CDC42SE2: variants seen among roughly 807,000 people sequenced by gnomAD.
CDC42SE2 encodes the protein CDC42 small effector 2, also known as CDC42 small effector protein 2.
Under a neutral mutation model 11.5 loss-of-function variants are expected in CDC42SE2, and 3 were observed. The ratio of observed to expected loss-of-function variants is 0.26; its 90% CI spans 0.12 to 0.67. CDC42SE2 has a LOEUF of 0.67. Ranked by LOEUF, CDC42SE2 falls within the 30% of genes least tolerant of loss-of-function variation. CDC42SE2 has a pLI of 0.80. For synonymous variants in CDC42SE2, 33 were observed against 34.8 expected (o/e 0.95, Z 0.18); for missense variants, 82 against 106.8 (o/e 0.77, Z 1.02).
At chr5:131,375,912 T>C (rs1291580929) in intron 3 of CDC42SE2, among the ~76,000 whole-genome samples, 4 of 152,128 alleles carry the variant, frequency 2.6e-5, no homozygotes, top group African/African-American at 9.7e-5. Context: ...TCAGCTTCTT[T>C]AACATGAATA....
chr5:131,345,350 G>A (rs1407831919), intron 2 of CDC42SE2, among the ~76,000 whole-genome samples: 1 of 152,072 alleles, frequency 6.6e-6, no homozygotes, highest in Non-Finnish European at 1.5e-5. Flanking sequence ...AGAACTACGT[G>A]ACTCATGCAC....
intron 3 of CDC42SE2, among the ~76,000 whole-genome samples, chr5:131,371,863 C>T (rs959663278): frequency 6.6e-6 from 1 of 152,226 alleles, no homozygotes; most frequent in Non-Finnish European, 1.5e-5. Flanking sequence ...TTCAGTATTT[C>T]AGAAAGCGTT....
chr5:131,259,105 C>T (rs527937052), upstream of CDC42SE2, among the ~76,000 whole-genome samples: 1 of 152,074 alleles, frequency 6.6e-6, no homozygotes, highest in South Asian at 2.1e-4. Context: ...TCCACAATTC[C>T]TGATTTTTCT....
At chr5:131,357,577 T>C (rs1316723400) in intron 2 of CDC42SE2, among the ~76,000 whole-genome samples, 1 of 152,226 alleles carries the variant, frequency 6.6e-6, no homozygotes, top group East Asian at 1.9e-4. Context: ...AGCTTATAAA[T>C]GTGTGAGGTC....
rs1171213231 is a variant in CDC42SE2 at position 131,323,547 on chromosome 5, G to GTTTT, written c.-286+7426_-286+7429dup. Among the ~76,000 whole-genome samples, 32 of 82,584 alleles carry GTTTT rather than the reference G, an allele frequency of 3.9e-4. 2 individuals carry two copies. Among genetic ancestry groups the GTTTT allele is most frequent in the African/African-American group, 1.4e-3 (28 of 19,550 alleles). The allele number at this position is 82,584 out of a possible 152,430, so 54.2% of individuals were successfully genotyped here. A position where few individuals can be genotyped will look rare whatever the true frequency, so the allele number is the denominator to read the frequency against. On this transcript the variant is annotated intron_variant, in intron 2 of 4. Transcript: ENST00000505065. The stretch of plus-strand genomic sequence containing the variant: ...AAGGGATTGTACCTCTCTCTCTCTG[G>GTTTT]TTTTTTTTTTTTTTTTTTTTTTTTT...
At chr5:131,351,231 T>C (rs940935448) in intron 2 of CDC42SE2, among the ~76,000 whole-genome samples, 1 of 152,040 alleles carries the variant, frequency 6.6e-6, no homozygotes, top group African/African-American at 2.4e-5. Context: ...ATTATAGGCG[T>C]GAACCACCAA....
chr5:131,374,133 C>T (rs1448662352), intron 3 of CDC42SE2, among the ~76,000 whole-genome samples: 1 of 151,646 alleles, frequency 6.6e-6, no homozygotes, highest in African/African-American at 2.4e-5. Context: ...CAAAACAAAA[C>T]AAAAAACAGT....
chr5:131,303,965 T>G (rs1580741852), intron 1 of CDC42SE2, among the ~76,000 whole-genome samples: 1 of 151,254 alleles, frequency 6.6e-6, no homozygotes, highest in Middle Eastern at 3.4e-3. Flanking sequence ...TAAAATAATT[T>G]TCTTTTTTTT....
At chr5:131,311,731 A>C (rs374856713) in intron 1 of CDC42SE2, among the ~76,000 whole-genome samples, 1 of 152,182 alleles carries the variant, frequency 6.6e-6, no homozygotes, top group Non-Finnish European at 1.5e-5. Flanking sequence ...CCAGTTGATC[A>C]CATCGGCTCC....
chr5:131,338,280 A>C (rs1302412106), intron 2 of CDC42SE2, among the ~76,000 whole-genome samples: 2 of 152,204 alleles, frequency 1.3e-5, no homozygotes, highest in Non-Finnish European at 2.9e-5. Context: ...CCTTCGTAGC[A>C]TGTCATCAGT....
chr5:131,306,167 T>C (rs1005215490), intron 1 of CDC42SE2, among the ~76,000 whole-genome samples: 2 of 152,236 alleles, frequency 1.3e-5, no homozygotes, highest in African/African-American at 4.8e-5. Flanking sequence ...CGTCCTGCCT[T>C]GTCCTGCCTG....
the CDC42SE2 span, among the ~76,000 whole-genome samples, chr5:131,239,078 C>T: frequency 1.3e-5 from 2 of 151,792 alleles, no homozygotes; most frequent in South Asian, 4.2e-4. Flanking sequence ...ACCGCTTCTA[C>T]CCAGGAGACA....
chr5:131,261,900 T>C (rs1007762460), upstream of CDC42SE2, among the ~76,000 whole-genome samples: 4 of 150,020 alleles, frequency 2.7e-5, no homozygotes, highest in African/African-American at 9.8e-5. Context: ...AATGGCATTG[T>C]GTCCTTAATT....
chr5:131,317,667 A>G (rs548537347), intron 2 of CDC42SE2, among the ~76,000 whole-genome samples: 45 of 150,654 alleles, frequency 3.0e-4, no homozygotes, highest in African/African-American at 1.0e-3. Context: ...GTTTCTTTCT[A>G]TCTTTTCTTT....
chr5:131,388,458 G>A (rs189708587), intron 4 of CDC42SE2, among the ~76,000 whole-genome samples: 1 of 152,348 alleles, frequency 6.6e-6, no homozygotes, highest in Non-Finnish European at 1.5e-5. Flanking sequence ...TATTAGGAAT[G>A]TGGCTTGACG....
At chr5:131,371,049 A>G (rs1408641490) in intron 3 of CDC42SE2, among the ~76,000 whole-genome samples, 1 of 152,204 alleles carries the variant, frequency 6.6e-6, no homozygotes, top group Non-Finnish European at 1.5e-5. Flanking sequence ...GTTTTTGCTG[A>G]TATGTATCTG....
chr5:131,228,279 A>T, the CDC42SE2 span, among the ~76,000 whole-genome samples: 1 of 152,096 alleles, frequency 6.6e-6, no homozygotes, highest in Admixed American at 6.5e-5. Flanking sequence ...TGGTAGGAGG[A>T]TAGCTTGAGC....
At chr5:131,379,824 A>G (rs369742916) in intron 3 of CDC42SE2, among the ~76,000 whole-genome samples, 2 of 152,130 alleles carry the variant, frequency 1.3e-5, no homozygotes, top group African/African-American at 4.8e-5. Flanking sequence ...GCTAACGACA[A>G]CTGTTAATAC....
At chr5:131,337,246 T>C (rs1453405034) in intron 2 of CDC42SE2, among the ~76,000 whole-genome samples, 1 of 152,198 alleles carries the variant, frequency 6.6e-6, no homozygotes, top group Non-Finnish European at 1.5e-5. Context: ...CAGACCCTGT[T>C]TGCCTGGGTA....
Sources: allele counts gnomAD v4.1 joint callset (sites outside exome capture counted in the v4.1 genomes callset), GRCh38; gene constraint gnomAD v4.1.1; transcripts MANE v1.5; gene names NCBI Gene and HGNC (gene_info 2026-07-23, HGNC 2026-07-21).